The following GBF1 variants were observed in gnomAD, a reference collection of about 807,000 sequenced individuals.
GBF1 encodes Golgi-specific brefeldin A-resistance guanine nucleotide exchange factor 1.
GBF1 carries 114 observed loss-of-function variants against 210.5 expected under a neutral mutation model. That is an observed-to-expected ratio of 0.54 (90% confidence interval 0.47 to 0.63). The LOEUF is 0.63. GBF1 is among the 30% of genes least tolerant of loss of function. The pLI is 0.00. For synonymous variants in GBF1, 850 were observed against 889.2 expected (o/e 0.96, Z 0.78); for missense variants, 1,851 against 2,357.7 (o/e 0.79, Z 4.45).
At chr10:102,319,213 G>C (rs565676149) in intron 3 of GBF1, among the ~76,000 whole-genome samples, 1 of 152,122 alleles carries the variant, frequency 6.6e-6, no homozygotes, top group Non-Finnish European at 1.5e-5. Context: ...CCAGCTACTC[G>C]AGAGGCTAAG....
rs2059980505 is a variant in GBF1, at chr10:102,367,549, C to T, written c.2631C>T (p.Tyr877=). 3 of 1,571,506 alleles carry T rather than the reference C, an allele frequency of 1.9e-6. No homozygotes were observed. The highest frequency in any genetic ancestry group is 1.7e-4 in the Middle Eastern group (1 of 5,976). ...AGCAAGACATCCTGGAGGACATGTA[C>T]CATGCCATCAAGTGAGTATACATAG... ...DFEQDILEDM[Y]HAIKNEEIVM... is the part of the protein sequence containing the mutation. The change falls in exon 21 of 40, where the codon TAC becomes TAT. Residue 877 remains tyrosine, a synonymous_variant. Transcript: ENST00000369983.
chr10:102,247,554 G>C (rs2071000800), intron 1 of GBF1, among the ~76,000 whole-genome samples: 1 of 152,102 alleles, frequency 6.6e-6, no homozygotes, highest in Non-Finnish European at 1.5e-5. Context: ...CTAGTCTCTG[G>C]GTAGGCAGTG....
chr10:102,246,571 G>C (rs1313651312), intron 1 of GBF1, among the ~76,000 whole-genome samples: 1 of 152,214 alleles, frequency 6.6e-6, no homozygotes, highest in East Asian at 1.9e-4. Flanking sequence ...AGAGATATTT[G>C]AATACTGGCA....
intron 3 of GBF1, among the ~76,000 whole-genome samples, chr10:102,318,223 C>T (rs780482807): frequency 4.0e-5 from 6 of 150,796 alleles, no homozygotes; most frequent in Non-Finnish European, 7.4e-5. Flanking sequence ...GATAGTGTCT[C>T]ACTTTGTTGC....
chr10:102,261,438 CAT>C (rs1357431365), intron 3 of GBF1, among the ~76,000 whole-genome samples: 1 of 151,996 alleles, frequency 6.6e-6, no homozygotes, highest in East Asian at 1.9e-4. Flanking sequence ...TGGCTAGTGA[CAT>C]ATGTCAGACT....
At chr10:102,323,272 A>C (rs537502301) in intron 3 of GBF1, among the ~76,000 whole-genome samples, 34 of 150,928 alleles carry the variant, frequency 2.3e-4, no homozygotes, top group East Asian at 1.6e-3. Context: ...GAAGAAGAAG[A>C]AGCTTCAAAG....
chr10:102,291,661 G>A (rs1302691475), intron 3 of GBF1, among the ~76,000 whole-genome samples: 1 of 152,156 alleles, frequency 6.6e-6, no homozygotes, highest in African/African-American at 2.4e-5. Context: ...GTGGAGACTT[G>A]ATATTTGGCT....
intron 3 of GBF1, among the ~76,000 whole-genome samples, chr10:102,288,093 T>C (rs969998860): frequency 1.3e-5 from 2 of 152,194 alleles, no homozygotes; most frequent in South Asian, 2.1e-4. Context: ...GTAAAAACTT[T>C]CCGTTTTTCT....
chr10:102,358,364 G>A (rs2059409073), intron 9 of GBF1, 142 bp from the exon 10 acceptor site: 4 of 790,448 alleles, frequency 5.1e-6, no homozygotes, highest in Admixed American at 2.5e-5. Context: ...GTGACTTAAG[G>A]TTGTTCTCTG....
In GBF1 at chr10:102,369,796, C is replaced by T. The variant is rs766477067; in HGVS notation, c.3215+21C>T. On this transcript the variant is annotated intron_variant, in intron 25 of 39. Coordinates refer to ENST00000369983, the MANE Select transcript of GBF1 (RefSeq NM_001377137.1). ...AACCGGTAAGAGCAGACCAGAGGCT[C>T]AGGGGCTTGGGGAGGGAGAGTCAGA... 5 of 1,614,114 alleles carry T rather than the reference C, an allele frequency of 3.1e-6. No individual in the cohort carries two copies. In the South Asian group the frequency reaches 5.5e-5, roughly 18 times the overall value.
chr10:102,235,058 A>G, the GBF1 span, among the ~76,000 whole-genome samples: 12 of 151,922 alleles, frequency 7.9e-5, no homozygotes, highest in Admixed American at 7.2e-4. Flanking sequence ...ACACTCTCCC[A>G]CACATGCGCT....
chr10:102,358,764 T>A, intron 10 of GBF1, 35 bp downstream of exon 10: 1 of 1,358,938 alleles, frequency 7.4e-7, no homozygotes. Flanking sequence ...CTCTTCAGTA[T>A]TCCACTGTGG....
At chr10:102,230,682 CGCGGCGGCG>C in the GBF1 span, 15 of 1,578,508 alleles carry the variant, frequency 9.5e-6, no homozygotes, top group Admixed American at 3.7e-5. Flanking sequence ...AGGCGGCAGC[CGCGGCGGCG>C]GCGGCGGCCG....
At chr10:102,310,029 G>A (rs1431699937) in intron 3 of GBF1, among the ~76,000 whole-genome samples, 1 of 152,232 alleles carries the variant, frequency 6.6e-6, no homozygotes, top group Admixed American at 6.5e-5. Flanking sequence ...TGTTGGGCTT[G>A]AAGAGTTGTA....
intron 3 of GBF1, among the ~76,000 whole-genome samples, chr10:102,268,396 A>C (rs1484010132): frequency 1.3e-5 from 2 of 152,248 alleles, no homozygotes; most frequent in Non-Finnish European, 2.9e-5. Context: ...AAAAACAGAG[A>C]AACCTAATTT....
At chr10:102,256,311 T>C (rs1270440940) in intron 1 of GBF1, among the ~76,000 whole-genome samples, 2 of 152,118 alleles carry the variant, frequency 1.3e-5, no homozygotes, top group African/African-American at 4.8e-5. Context: ...TTTCACTTTC[T>C]TGGGGGGCCT....
At chr10:102,295,577 G>A (rs2076844960) in intron 3 of GBF1, among the ~76,000 whole-genome samples, 1 of 151,796 alleles carries the variant, frequency 6.6e-6, no homozygotes, top group Admixed American at 6.6e-5. Context: ...AAACAATATG[G>A]GAATAGAAGG....
chr10:102,288,687 C>T lies in GBF1; in HGVS notation c.163+28571C>T, dbSNP rs567329695. On this transcript the variant is annotated intron_variant, in intron 3 of 39. Coordinates refer to ENST00000369983, the MANE Select transcript of GBF1 (RefSeq NM_001377137.1). ...GATTGCGCCACTGCAGTCCGCAGTC[C>T]GGCCTGGGCGACAGAGCGAGACTCC... Among the ~76,000 whole-genome samples the T allele has an allele frequency of 8.0e-5, 11 of 137,114 alleles. No individual in the cohort carries two copies. The East Asian group carries it at 2.1e-3, about 26-fold the overall frequency. 90.0% of individuals were successfully genotyped at this position (137,114 alleles called of 152,430 possible).
intron 3 of GBF1, among the ~76,000 whole-genome samples, chr10:102,272,821 G>A (rs1020789769): frequency 6.6e-6 from 1 of 152,162 alleles, no homozygotes; most frequent in South Asian, 2.1e-4. Context: ...GCAAATGTGG[G>A]TCTGCCTCCT....
Sources: allele counts gnomAD v4.1 joint callset (sites outside exome capture counted in the v4.1 genomes callset), GRCh38; gene constraint gnomAD v4.1.1; transcripts MANE v1.5; gene names NCBI Gene and HGNC (gene_info 2026-07-23, HGNC 2026-07-21).